KARS1: variants seen among roughly 807,000 people sequenced by gnomAD.
KARS1 encodes the protein lysyl-tRNA synthetase 1.
KARS1 carries 50 observed loss-of-function variants against 63.9 expected under a neutral mutation model. The ratio of observed to expected loss-of-function variants is 0.78; its 90% CI spans 0.62 to 0.99. KARS1 has a LOEUF of 0.99. Among genes scored for constraint, KARS1 ranks in the 50% least tolerant of loss-of-function variants. KARS1 has a pLI of 0.00. For synonymous variants in KARS1, 320 were observed against 264.6 expected, an observed-to-expected ratio of 1.21 and a Z score of -2.03; for missense variants, 816 against 754.5, an observed-to-expected ratio of 1.08 and a Z score of -0.95.
intron 3 of KARS1, chr16:75,639,953 C>T: frequency 1.8e-6 from 1 of 561,966 alleles, no homozygotes; most frequent in Non-Finnish European, 3.2e-6. Context: ...TGAAGGGAAT[C>T]CTTATAGAGA....
chr16:75,643,129 A>G (rs3784929), intron 1 of KARS1, among the ~76,000 whole-genome samples: 45,963 of 152,106 alleles, frequency 0.3, 10,791 homozygotes, highest in East Asian at 0.76. Flanking sequence ...TGTCTCTTAT[A>G]GTCTGAATTT....
At position 75,631,720 on chromosome 16, in the gene KARS1, T is replaced by C. The variant is rs773381161; in HGVS notation, c.1051A>G (p.Met351Val). Residue 351 changes from methionine to valine, a missense_variant, in exon 8 of 14, where the codon ATG becomes GTG. Transcript: ENST00000302445. ...YMAYADYHDL[M>V]EITEKMVSGM... ...GAAACCATCTTCTCCGTGATTTCCA[T>C]GAGATCGTGATAGTCTGCATAGGCC... 3.2e-5 allele frequency: 51 copies of C among 1,610,898 alleles called. 1 individual carries two copies. Among genetic ancestry groups the C allele is most frequent in the Admixed American group, 2.8e-4 (17 of 60,004 alleles).
chr16:75,643,742 CTACATATAATGTCTTA>C (rs1480033283), intron 1 of KARS1, among the ~76,000 whole-genome samples: 4 of 152,212 alleles, frequency 2.6e-5, no homozygotes, highest in African/African-American at 9.7e-5. Context: ...ACAGCTTTTT[CTACATATAATGTCTTA>C]TAACATTTGT....
intron 1 of KARS1, chr16:75,644,610 C>G (rs1228519262): frequency 7.7e-6 from 4 of 521,336 alleles, no homozygotes; most frequent in Admixed American, 3.4e-5. Flanking sequence ...GATAGCAACC[C>G]TGTAACACTC....
At chr16:75,630,738 G>A (rs1053430667) in intron 10 of KARS1, among the ~76,000 whole-genome samples, 2 of 152,102 alleles carry the variant, frequency 1.3e-5, no homozygotes, top group African/African-American at 4.8e-5. Context: ...TGGTTCCAGT[G>A]ATTCTCGTGC....
intron 3 of KARS1, among the ~76,000 whole-genome samples, chr16:75,637,900 CAAAAAAAAA>C (rs11386229): frequency 1.5e-4 from 14 of 93,770 alleles, no homozygotes; most frequent in African/African-American, 5.3e-4. Flanking sequence ...AAAAAGAGAC[CAAAAAAAAA>C]AAAAAAAAGA....
At chr16:75,641,537 A>G in intron 2 of KARS1, 27 bp downstream of exon 2, 1 of 1,606,740 alleles carries the variant, frequency 6.2e-7, no homozygotes, top group African/African-American at 1.3e-5. Context: ...CCTGTGCCCA[A>G]CCATGCTGGT....
intron 4 of KARS1, 129 bp downstream of exon 4, chr16:75,636,325 C>G (rs1179897103): frequency 4.9e-6 from 4 of 809,892 alleles, no homozygotes; most frequent in Non-Finnish European, 8.8e-6. Flanking sequence ...TTATCCTCTT[C>G]TCAGCCTTCC....
chr16:75,641,697 T>C lies in KARS1; in HGVS notation c.89A>G (p.Glu30Gly). The change falls in exon 2 of 14, where the codon GAG becomes GGG. Residue 30 changes from glutamate to glycine, a missense_variant. Coordinates refer to ENST00000302445, the MANE Select transcript of KARS1 (RefSeq NM_005548.3). ...GGCCTCCTTCTCTGCTACTTTCTTCTCAGCTTTCAGGCGTCTCTTCAGCTC... is the reference window on the plus strand; with the variant it reads ...GGCCTCCTTCTCTGCTACTTTCTTCCCAGCTTTCAGGCGTCTCTTCAGCTC... ...KNELKRRLKA[E>G]KKVAEKEAKQ... 1 of 1,613,986 alleles carries C rather than the reference T, an allele frequency of 6.2e-7. No individual in the cohort carries two copies. The highest frequency in any genetic ancestry group is 8.5e-7 in the Non-Finnish European group (1 of 1,180,038).
At chr16:75,639,199 A>C (rs1597172715) in intron 3 of KARS1, among the ~76,000 whole-genome samples, 1 of 152,170 alleles carries the variant, frequency 6.6e-6, no homozygotes, top group African/African-American at 2.4e-5. Context: ...ATAAAAAAAA[A>C]TCTGAATACA....
intron 1 of KARS1, among the ~76,000 whole-genome samples, chr16:75,642,219 T>A (rs113909347): frequency 4.4e-3 from 482 of 110,122 alleles, no homozygotes; most frequent in African/African-American, 6.0e-3. Flanking sequence ...TTTTTTTTTT[T>A]ATGAGACAGA....
intron 3 of KARS1, among the ~76,000 whole-genome samples, chr16:75,639,310 G>A (rs1043149437): frequency 1.3e-5 from 2 of 151,846 alleles, no homozygotes; most frequent in East Asian, 1.9e-4. Flanking sequence ...GGCGGCTCAC[G>A]CCTGTAATCC....
chr16:75,640,058 C>T (rs1361886445), intron 3 of KARS1, 126 bp downstream of exon 3: 2 of 796,964 alleles, frequency 2.5e-6, no homozygotes, highest in Non-Finnish European at 4.5e-6. Context: ...TGGCACTGTC[C>T]TTAGTAAAGT....
chr16:75,634,149 A>G, intron 7 of KARS1, 24 bp downstream of exon 7: 1 of 1,612,360 alleles, frequency 6.2e-7, no homozygotes, highest in Non-Finnish European at 8.5e-7. Flanking sequence ...CTTTAAGGGA[A>G]AAGGGTGTAC....
At chr16:75,634,079 C>G (rs569905559) in intron 7 of KARS1, 94 bp downstream of exon 7, 2 of 1,375,220 alleles carry the variant, frequency 1.5e-6, no homozygotes, top group Admixed American at 3.4e-5. Context: ...GCTTTACTCT[C>G]TCTGTTCCTC....
intron 4 of KARS1, 35 bp from the exon 5 acceptor site, chr16:75,636,133 A>G (rs1280128080): frequency 3.1e-6 from 4 of 1,302,622 alleles, no homozygotes; most frequent in Non-Finnish European, 4.4e-6. Flanking sequence ...AGTAACAACA[A>G]TTCAAATGAA....
intron 3 of KARS1, among the ~76,000 whole-genome samples, chr16:75,638,541 A>C (rs1445430725): frequency 6.6e-6 from 1 of 152,236 alleles, no homozygotes; most frequent in African/African-American, 2.4e-5. Context: ...CATGAAGAAA[A>C]AGACGCAAAA....
At position 75,627,972 on chromosome 16, in the gene KARS1, T is replaced by C. The variant is rs1232512748; in HGVS notation, c.1717A>G (p.Met573Val). ...NIKEVLLFPA[M>V]KPEDKKENVA... The stretch of plus-strand genomic sequence containing the variant: ...TTCTCCTTCTTGTCTTCGGGTTTCA[T>C]GGCAGGAAACAGAAGTACTTCCTGT... Residue 573 changes from methionine (M) to valine (V), a missense_variant, in exon 14 of 14, where the codon ATG becomes GTG. Coordinates refer to ENST00000302445, the MANE Select transcript of KARS1 (RefSeq NM_005548.3). 4 of 1,608,792 alleles carry C rather than the reference T, an allele frequency of 2.5e-6. No homozygotes were observed. The African/African-American group carries it at 4.0e-5, about 16-fold the overall frequency.
At chr16:75,632,871 T>C (rs541217979) in intron 7 of KARS1, among the ~76,000 whole-genome samples, 1 of 152,308 alleles carries the variant, frequency 6.6e-6, no homozygotes, top group African/African-American at 2.4e-5. Context: ...AAAGGTTACG[T>C]AGCTTGTAAT....
Sources: gnomAD v4.1 joint callset for allele counts (sites outside exome capture counted in the v4.1 genomes callset) on GRCh38, gnomAD v4.1.1 for gene constraint, MANE v1.5 for transcripts, NCBI Gene and HGNC (gene_info 2026-07-23, HGNC 2026-07-21) for gene names.